Variants in RMST observed in about 807,000 individuals in gnomAD.
The protein encoded by RMST is rhabdomyosarcoma 2 associated transcript, also known as long intergenic non-protein coding RNA 54.
chr12:97,514,668 T>G (rs1029050843), intron 10 of RMST, among the ~76,000 whole-genome samples: 1 of 112,058 alleles, frequency 8.9e-6, no homozygotes, highest in African/African-American at 4.8e-5. Flanking sequence ...AAGTATATTG[T>G]TTTTTTTTTT....
At position 97,533,355 on chromosome 12, in the gene RMST, T is replaced by C. The variant is rs565275440; in HGVS notation, n.1545+2496T>C. 4 of 151,950 alleles carry C rather than the reference T, an allele frequency of 2.6e-5. No homozygotes were observed. The East Asian group carries it at 7.8e-4, about 30-fold the overall frequency. 9.4% of individuals were successfully genotyped at this position (151,950 alleles called of 1,614,324 possible). A position where few individuals can be genotyped will look rare whatever the true frequency, so the allele number is the denominator to read the frequency against. ...ATATCATATCCATGTTAAATCTACATGATGTCTCCTGGAAATGCGTGCTTT... is the reference window on the plus strand; with the variant it reads ...ATATCATATCCATGTTAAATCTACACGATGTCTCCTGGAAATGCGTGCTTT... On this transcript the variant is annotated intron_variant and non_coding_transcript_variant, in intron 11 of 13. Coordinates refer to ENST00000640149, the Ensembl canonical transcript of RMST.
intron 10 of RMST, among the ~76,000 whole-genome samples, chr12:97,525,466 T>A (rs757083654): frequency 9.2e-5 from 14 of 152,160 alleles, no homozygotes; most frequent in Admixed American, 2.0e-4. Context: ...TGACTCTTTT[T>A]AAAAATTATT....
At chr12:97,563,221 T>TG (rs1336292553) in intron 13 of RMST, 1 of 152,678 alleles carries the variant, frequency 6.5e-6, no homozygotes, top group Non-Finnish European at 1.5e-5. Context: ...CTTTTGTAGA[T>TG]GGGGTTGGGG....
chr12:97,535,859 C>T (rs780069847), intron 11 of RMST, among the ~76,000 whole-genome samples: 7 of 151,588 alleles, frequency 4.6e-5, no homozygotes, highest in Admixed American at 1.3e-4. Context: ...GTCACCCATG[C>T]AATGAACATT....
intron 11 of RMST, among the ~76,000 whole-genome samples, chr12:97,555,070 G>T (rs1056852959): frequency 6.6e-6 from 1 of 152,074 alleles, no homozygotes; most frequent in Non-Finnish European, 1.5e-5. Flanking sequence ...ACCTTTGCAG[G>T]GTTGGAATGG....
At chr12:97,535,078 A>C (rs1171041197) in intron 11 of RMST, among the ~76,000 whole-genome samples, 1 of 151,718 alleles carries the variant, frequency 6.6e-6, no homozygotes, top group Non-Finnish European at 1.5e-5. Context: ...TTTCAAGATT[A>C]TCCTCTTTAA....
intron 11 of RMST, among the ~76,000 whole-genome samples, chr12:97,540,611 G>A (rs1255664951): frequency 6.6e-6 from 1 of 151,614 alleles, no homozygotes. Context: ...CTAGCAATGT[G>A]ACTAGGAGGC....
chr12:97,487,537 C>T (rs1459202562), intron 5 of RMST, among the ~76,000 whole-genome samples: 1 of 152,058 alleles, frequency 6.6e-6, no homozygotes, highest in Non-Finnish European at 1.5e-5. Flanking sequence ...GTTTGATGGA[C>T]CTCAAGCAGC....
At position 97,475,572 on chromosome 12, in the gene RMST, A is replaced by G. The variant is rs369450013; in HGVS notation, n.644+9845A>G. ...TAATAACGATTATAATACCCACCTT[A>G]GTATCTTTTTTTTTGTTTTTTTTTT... On this transcript the variant is annotated intron_variant and non_coding_transcript_variant, in intron 5 of 13. Transcript: ENST00000640149. Among the ~76,000 whole-genome samples, 7 of 143,518 alleles carry G rather than the reference A, an allele frequency of 4.9e-5. No individual in the cohort carries two copies. In the East Asian group the frequency reaches 8.0e-4, roughly 16 times the overall value. 94.2% of individuals were successfully genotyped at this position (143,518 alleles called of 152,430 possible). A position where few individuals can be genotyped will look rare whatever the true frequency, so the allele number is the denominator to read the frequency against.
intron 11 of RMST, among the ~76,000 whole-genome samples, chr12:97,539,025 A>G (rs1473084854): frequency 6.6e-6 from 1 of 151,480 alleles, no homozygotes; most frequent in Admixed American, 6.6e-5. Context: ...GGGCCATTTG[A>G]TTGCCATTTT....
chr12:97,550,106 A>G (rs1370641539), intron 11 of RMST, among the ~76,000 whole-genome samples: 1 of 152,210 alleles, frequency 6.6e-6, no homozygotes, highest in African/African-American at 2.4e-5. Flanking sequence ...TCAGTGTTCT[A>G]AATATTGTAT....
chr12:97,527,325 C>T (rs1881212008), intron 10 of RMST, among the ~76,000 whole-genome samples: 1 of 152,062 alleles, frequency 6.6e-6, no homozygotes, highest in East Asian at 1.9e-4. Flanking sequence ...CTGCTTCAAC[C>T]GTTAAAACAT....
At chr12:97,515,068 A>T (rs1161299475) in intron 10 of RMST, among the ~76,000 whole-genome samples, 3 of 152,148 alleles carry the variant, frequency 2.0e-5, no homozygotes, top group Non-Finnish European at 2.9e-5. Flanking sequence ...ATTGAAAGAC[A>T]TTTTTCAATT....
At chr12:97,522,473 G>A (rs1468586997) in intron 10 of RMST, among the ~76,000 whole-genome samples, 5 of 152,102 alleles carry the variant, frequency 3.3e-5, no homozygotes, top group Non-Finnish European at 5.9e-5. Context: ...ATGCCCTTAT[G>A]CTCTCTGATC....
intron 5 of RMST, among the ~76,000 whole-genome samples, chr12:97,475,857 C>T (rs951236167): frequency 6.6e-6 from 1 of 151,944 alleles, no homozygotes; most frequent in Non-Finnish European, 1.5e-5. Flanking sequence ...TAGTTTAAGC[C>T]CTTGGTTATG....
chr12:97,488,584 T>C (rs1228437692), intron 5 of RMST, among the ~76,000 whole-genome samples: 1 of 152,090 alleles, frequency 6.6e-6, no homozygotes, highest in African/African-American at 2.4e-5. Flanking sequence ...AGCAAGCGGC[T>C]CTCAAGTTGC....
chr12:97,524,075 C>CAGAGAAAACAAAAAAAAAAAAAAA (rs57255256), intron 10 of RMST, among the ~76,000 whole-genome samples: 1 of 56,118 alleles, frequency 1.8e-5, no homozygotes, highest in African/African-American at 7.7e-5. Context: ...GACTCTGTCT[C>CAGAGAAAACAAAAAAAAAAAAAAA]AAAAAAAAAA....
At chr12:97,553,278 T>A (rs1485986433) in intron 11 of RMST, among the ~76,000 whole-genome samples, 2 of 152,188 alleles carry the variant, frequency 1.3e-5, no homozygotes, top group Non-Finnish European at 2.9e-5. Context: ...AATAATTCAT[T>A]GAACTAACAC....
chr12:97,555,416 C>T (rs1219126321), intron 11 of RMST, among the ~76,000 whole-genome samples: 1 of 152,154 alleles, frequency 6.6e-6, no homozygotes, highest in African/African-American at 2.4e-5. Flanking sequence ...TAAATATTCA[C>T]ACTTGGATTA....
Sources: gnomAD v4.1 joint callset for allele counts (sites outside exome capture counted in the v4.1 genomes callset) on GRCh38, gnomAD v4.1.1 for gene constraint, MANE v1.5 for transcripts, NCBI Gene and HGNC (gene_info 2026-07-23, HGNC 2026-07-21) for gene names.